Variants in PREX2 observed in about 807,000 individuals in gnomAD.
PREX2 encodes the protein phosphatidylinositol-3,4,5-trisphosphate dependent Rac exchange factor 2, also known as phosphatidylinositol 3,4,5-trisphosphate-dependent Rac exchanger 2 protein.
In PREX2, 107 loss-of-function variants were observed where a neutral mutation model predicts 203.2. The ratio of observed to expected loss-of-function variants is 0.53; its 90% CI spans 0.45 to 0.62. PREX2 has a LOEUF of 0.62. Among genes scored for constraint, PREX2 ranks in the 20% least tolerant of loss-of-function variants. The pLI is 0.00. For synonymous variants in PREX2, 672 were observed against 663.6 expected (o/e 1.01, Z -0.19); for missense variants, 1,777 against 1,955.9 (o/e 0.91, Z 1.72).
chr8:68,091,447 A>G (rs1393639757), intron 20 of PREX2, among the ~76,000 whole-genome samples: 2 of 152,202 alleles, frequency 1.3e-5, no homozygotes, highest in East Asian at 1.9e-4. Flanking sequence ...GAAGCCTTGT[A>G]TTTTCCTGTC....
At position 68,033,023 on chromosome 8, in the gene PREX2, A is replaced by C. The variant is rs1383981170; in HGVS notation, c.705+2365A>C. ...CAAGTCTGATACACCGTGAATTTGC[A>C]TTGTTTCTATTATGGGTGGATTATT... On this transcript the variant is annotated intron_variant, in intron 6 of 39. Coordinates refer to ENST00000288368, the MANE Select transcript of PREX2 (RefSeq NM_024870.4). 2.0e-5 allele frequency among the ~76,000 whole-genome samples: 3 copies of C among 152,092 alleles called. No homozygotes were observed. The South Asian group carries it at 6.2e-4, about 32-fold the overall frequency.
chr8:68,186,525 GT>G (rs1412510849), intron 35 of PREX2, among the ~76,000 whole-genome samples: 1 of 151,962 alleles, frequency 6.6e-6, no homozygotes, highest in African/African-American at 2.4e-5. Flanking sequence ...GTTTTGTTTT[GT>G]TTTTTTAGAT....
At chr8:68,049,345 T>C (rs1808454404) in intron 8 of PREX2, among the ~76,000 whole-genome samples, 1 of 152,032 alleles carries the variant, frequency 6.6e-6, no homozygotes, top group South Asian at 2.1e-4. Context: ...ATCAGTTTCT[T>C]GATGTTTTCA....
chr8:68,043,651 T>C (rs1808261737), intron 7 of PREX2, among the ~76,000 whole-genome samples: 1 of 152,136 alleles, frequency 6.6e-6, no homozygotes, highest in South Asian at 2.1e-4. Flanking sequence ...GGAAATCTCT[T>C]GAGTGACTAG....
rs572342950 is a variant in PREX2 at position 68,148,061 on chromosome 8, A to G, written c.4231+1709A>G. Among the ~76,000 whole-genome samples, 23 of 152,270 alleles carry G rather than the reference A, an allele frequency of 1.5e-4. 1 individual carries two copies. Among genetic ancestry groups the G allele is most frequent in the African/African-American group, 5.1e-4 (21 of 41,564 alleles). On this transcript the variant is annotated intron_variant, in intron 34 of 39. Transcript: ENST00000288368. ...CAGGAGTTAGAGACAAGCCCAGGCA[A>G]CATGGTGGAAACCTGTGTCTACTAA...
At chr8:68,197,253 A>T (rs1403435919) in intron 37 of PREX2, among the ~76,000 whole-genome samples, 1 of 151,918 alleles carries the variant, frequency 6.6e-6, no homozygotes, top group Admixed American at 6.6e-5. Context: ...CATAAACCCC[A>T]CATGTCAAGG....
Position 67,952,104 on chromosome 8 carries a change from C to T in PREX2, c.-291C>T. On this transcript the variant is annotated 5_prime_UTR_variant, in exon 1 of 40. Transcript: ENST00000288368. Reference sequence around the variant, plus strand: ...CTGCCGAAGCCGCTTCCCCTCCAGCCCCGGCCGTGTGAGGCCAGAGCAGCG... The same window carrying T: ...CTGCCGAAGCCGCTTCCCCTCCAGCTCCGGCCGTGTGAGGCCAGAGCAGCG... The T allele has an allele frequency of 3.3e-6, 1 of 304,180 alleles. No individual in the cohort carries two copies. 18.8% of individuals were successfully genotyped at this position (304,180 alleles called of 1,614,324 possible).
intron 35 of PREX2, among the ~76,000 whole-genome samples, chr8:68,186,747 C>T (rs1001294653): frequency 1.3e-5 from 2 of 152,072 alleles, no homozygotes; most frequent in Non-Finnish European, 1.5e-5. Context: ...CTCCTGACCT[C>T]GTGATCCACC....
intron 33 of PREX2, among the ~76,000 whole-genome samples, chr8:68,142,754 G>A (rs892329711): frequency 6.6e-6 from 1 of 152,114 alleles, no homozygotes; most frequent in Non-Finnish European, 1.5e-5. Context: ...AAATACAAAG[G>A]CATAAATGGG....
At chr8:68,035,477 A>G (rs1386960512) in intron 6 of PREX2, among the ~76,000 whole-genome samples, 1 of 152,110 alleles carries the variant, frequency 6.6e-6, no homozygotes, top group African/African-American at 2.4e-5. Context: ...CAGTCAGTTC[A>G]TACATATATG....
chr8:68,197,287 G>C (rs986263077), intron 37 of PREX2, among the ~76,000 whole-genome samples: 8 of 152,046 alleles, frequency 5.3e-5, no homozygotes, highest in African/African-American at 1.9e-4. Flanking sequence ...GAGGTAATTG[G>C]ATCATGGGGG....
chr8:67,997,303 A>G (rs1022837953), intron 1 of PREX2, among the ~76,000 whole-genome samples: 8 of 152,058 alleles, frequency 5.3e-5, no homozygotes, highest in African/African-American at 1.9e-4. Flanking sequence ...CAAGACCCCC[A>G]GCAGATTTCT....
chr8:68,028,595 A>C (rs1185651007), intron 5 of PREX2, among the ~76,000 whole-genome samples: 1 of 152,038 alleles, frequency 6.6e-6, no homozygotes, highest in Non-Finnish European at 1.5e-5. Context: ...TGCTTGCTTA[A>C]GCCATAAAAA....
chr8:68,146,763 A>G (rs1429082726), intron 34 of PREX2, among the ~76,000 whole-genome samples: 1 of 152,204 alleles, frequency 6.6e-6, no homozygotes, highest in Non-Finnish European at 1.5e-5. Flanking sequence ...GTCTATACCT[A>G]CATATATGTA....
chr8:68,224,562 G>A lies in PREX2; in HGVS notation c.4711G>A (p.Ala1571Thr), dbSNP rs868748091. The A allele has an allele frequency of 1.9e-6, 3 of 1,613,438 alleles. No individual in the cohort carries two copies. Among genetic ancestry groups the A allele is most frequent in the Non-Finnish European group, 2.5e-6 (3 of 1,179,630 alleles). Residue 1571 changes from alanine (A) to threonine (T), a missense_variant, in exon 39 of 40, where the codon GCA (alanine) becomes ACA (threonine). Ala to Thr is a moderately conservative substitution (Grantham distance 58, BLOSUM62 0). Coordinates refer to ENST00000288368, the MANE Select transcript of PREX2 (RefSeq NM_024870.4). ...AAGTGATTTTCCTGACTTTCAGGGA[G>A]CAAGAGTTCAGAACACAGCGAAGAA... is the stretch of plus-strand genomic sequence containing the variant. ...QATDVMRKQG[A>T]RVQNTAKNLG...
In PREX2 at chr8:68,127,339, A is replaced by T. The variant is rs377267658; in HGVS notation, c.3725-39A>T. 8 of 1,503,088 alleles carry T rather than the reference A, an allele frequency of 5.3e-6. No homozygotes were observed. The African/African-American group carries it at 1.1e-4, about 21-fold the overall frequency. 93.1% of individuals were successfully genotyped at this position (1,503,088 alleles called of 1,614,324 possible). A position where few individuals can be genotyped will look rare whatever the true frequency, so the allele number is the denominator to read the frequency against. ...TTAAAATATGGTATTTGTGACAGAAAGAGTGAACAATTAACTGATGTGTTT... is the reference window on the plus strand; with the variant it reads ...TTAAAATATGGTATTTGTGACAGAATGAGTGAACAATTAACTGATGTGTTT... On this transcript the variant is annotated intron_variant, in intron 30 of 39. Coordinates refer to ENST00000288368, the MANE Select transcript of PREX2 (RefSeq NM_024870.4).
intron 30 of PREX2, among the ~76,000 whole-genome samples, chr8:68,122,392 C>T (rs1440794321): frequency 1.3e-5 from 2 of 151,878 alleles, no homozygotes; most frequent in East Asian, 3.9e-4. Context: ...TACTTTATAA[C>T]ATAATATTTA....
intron 8 of PREX2, among the ~76,000 whole-genome samples, chr8:68,050,760 G>A (rs987009496): frequency 1.6e-4 from 25 of 152,306 alleles, no homozygotes; most frequent in Non-Finnish European, 8.8e-5. Context: ...GTCAGGCCAG[G>A]CTTCATGGAG....
At chr8:68,024,669 G>A (rs564137504) in intron 4 of PREX2, among the ~76,000 whole-genome samples, 11 of 151,934 alleles carry the variant, frequency 7.2e-5, no homozygotes, top group Non-Finnish European at 1.6e-4. Flanking sequence ...ATTTACATGT[G>A]CCATTTTATT....
Sources: allele counts gnomAD v4.1 joint callset (sites outside exome capture counted in the v4.1 genomes callset), GRCh38; gene constraint gnomAD v4.1.1; transcripts MANE v1.5; gene names NCBI Gene and HGNC (gene_info 2026-07-23, HGNC 2026-07-21).